The following NOTCH4 variants were observed in gnomAD, a reference collection of about 807,000 sequenced individuals.
The protein encoded by NOTCH4 is notch receptor 4.
In NOTCH4, 138 loss-of-function variants were observed where a neutral mutation model predicts 189.0. The observed-to-expected ratio is 0.73, with a 90% CI of 0.64 to 0.84. The LOEUF (loss-of-function observed/expected upper bound fraction) is 0.84, where lower values mean the gene tolerates loss of function less well. Ranked by LOEUF, NOTCH4 falls within the 40% of genes least tolerant of loss-of-function variation. The pLI is 0.00. For synonymous variants in NOTCH4, 942 were observed against 1,032.8 expected, an observed-to-expected ratio of 0.91 and a Z score of 1.69; for missense variants, 2,286 against 2,605.4, an observed-to-expected ratio of 0.88 and a Z score of 2.67.
intron 8 of NOTCH4, among the ~76,000 whole-genome samples, chr6:32,218,664 T>C (rs1368428801): frequency 6.6e-6 from 1 of 152,236 alleles, no homozygotes; most frequent in Non-Finnish European, 1.5e-5. Context: ...TTTTCTTGCC[T>C]GAGGAGTCTG....
intron 18 of NOTCH4, among the ~76,000 whole-genome samples, chr6:32,204,890 T>C (rs1357273904): frequency 6.6e-6 from 1 of 152,188 alleles, no homozygotes. Context: ...ACATTTTATT[T>C]GGGTTATCTC....
In NOTCH4 at chr6:32,199,037, C is replaced by T. The variant is rs377177857; in HGVS notation, c.4424G>A (p.Arg1475His). The T allele has an allele frequency of 1.2e-5, 20 of 1,612,820 alleles. No homozygotes were observed. The highest frequency in any genetic ancestry group is 2.2e-5 in the East Asian group (1 of 44,870). Residue 1475 changes from arginine (R) to histidine (H), a missense_variant, in exon 24 of 30, where the codon CGC (arginine) becomes CAC (histidine). Physicochemically the swap from Arg to His is conservative, Grantham distance 29. Coordinates refer to ENST00000375023, the MANE Select transcript of NOTCH4 (RefSeq NM_004557.4). The surrounding 1 kb of genome is among the most constrained non-coding windows in gnomAD (Gnocchi z 4.9). ...LLVLQLIRRR[R>H]REHGALWLPP... ...CAGCCAGAGAGCTCCATGCTCTCGG[C>T]GTCGACGCCGGATGAGCTGGAGGAC...
At position 32,200,906 on chromosome 6, in the gene NOTCH4, C is replaced by A. The variant is rs767518997; in HGVS notation, c.4240G>T (p.Ala1414Ser). The A allele has an allele frequency of 6.8e-6, 11 of 1,609,084 alleles. No individual in the cohort carries two copies. The highest frequency in any genetic ancestry group is 8.5e-6 in the Non-Finnish European group (10 of 1,178,300). ...DPGLLLRFLAAMAAVGALEPL... is the reference protein window; with the variant it reads ...DPGLLLRFLASMAAVGALEPL... ...TCCAGGGCTCCCACTGCAGCCATCG[C>A]AGCAAGGAAGCGGAGTAGAAGCCCA... The change falls in exon 23 of 30, where the codon GCG becomes TCG. Residue 1414 changes from alanine to serine, a missense_variant. Transcript: ENST00000375023. The surrounding 1 kb of genome is among the most constrained non-coding windows in gnomAD (Gnocchi z 5.0).
chr6:32,195,291 G>T lies in NOTCH4; in HGVS notation c.*146C>A. ...CAGCTTCTCCACGTGGAAGATGTCT[G>T]CTCTGGTGGGCATACATTCATTTTA... On this transcript the variant is annotated 3_prime_UTR_variant, in exon 30 of 30. Coordinates refer to ENST00000375023, the MANE Select transcript of NOTCH4 (RefSeq NM_004557.4). This position sits in a 1 kb window ranked among gnomAD's most constrained non-coding sequence, Gnocchi z 5.4. 1 of 737,818 alleles carries T rather than the reference G, an allele frequency of 1.4e-6. No individual in the cohort carries two copies. The allele number at this position is 737,818 out of a possible 1,614,324, so 45.7% of individuals were successfully genotyped here. A position where few individuals can be genotyped will look rare whatever the true frequency, so the allele number is the denominator to read the frequency against.
chr6:32,203,721 C>T (rs1788493679), intron 20 of NOTCH4, 49 bp downstream of exon 20: 1 of 1,395,270 alleles, frequency 7.2e-7, no homozygotes, highest in East Asian at 2.5e-5. Flanking sequence ...GGTATTCTTG[C>T]CTTGTCAGCA....
chr6:32,197,315 G>A lies in NOTCH4; in HGVS notation c.5036C>T (p.Ala1679Val), dbSNP rs1463590184. 1 of 1,527,294 alleles carries A rather than the reference G, an allele frequency of 6.5e-7. No individual in the cohort carries two copies. The highest frequency in any genetic ancestry group is 1.3e-5 in the South Asian group (1 of 78,298). The allele number at this position is 1,527,294 out of a possible 1,614,324, so 94.6% of individuals were successfully genotyped here. ...TPLHAAVAAD[A>V]REVCQLLLRS... ...TGTGCTAACCTGGCAGACCTCCCGA[G>A]CATCAGCAGCCACAGCAGCATGAAG... is the stretch of plus-strand genomic sequence containing the variant. The change falls in exon 27 of 30, where the codon GCT (alanine) becomes GTT (valine). Residue 1679 changes from alanine (A) to valine (V), a missense_variant. Physicochemically the swap from Ala to Val is moderately conservative, Grantham distance 64. This residue lies in a region of NOTCH4 where 1,903 missense variants were observed against 2,261.9 expected (regional missense o/e 0.84). Transcript: ENST00000375023.
chr6:32,211,980 T>C (rs1789050067), intron 17 of NOTCH4, among the ~76,000 whole-genome samples: 1 of 152,230 alleles, frequency 6.6e-6, no homozygotes, highest in Admixed American at 6.5e-5. Context: ...TTTAATGTTC[T>C]CTCCCTGTGA....
At chr6:32,219,532 C>T (rs1164523102) in intron 8 of NOTCH4, 60 bp downstream of exon 8, 24 of 1,473,422 alleles carry the variant, frequency 1.6e-5, no homozygotes, top group Non-Finnish European at 2.1e-5. Flanking sequence ...AGGGGGCATT[C>T]CTAGTGGGTT....
At chr6:32,207,628 TCC>T (rs58773260) in intron 18 of NOTCH4, among the ~76,000 whole-genome samples, 67,726 of 142,510 alleles carry the variant, frequency 0.48, 16,273 homozygotes, top group South Asian at 0.59. Flanking sequence ...CAAGACTCTA[TCC>T]CCCCCCCCCA....
At position 32,220,205 on chromosome 6, in the gene NOTCH4, T is replaced by C. The variant is rs936752444; in HGVS notation, c.1239A>G (p.Thr413=). The C allele has an allele frequency of 1.2e-6, 2 of 1,613,660 alleles. No homozygotes were observed. Among genetic ancestry groups the C allele is most frequent in the Non-Finnish European group, 1.7e-6 (2 of 1,179,902 alleles). The part of the protein sequence containing the change: ...GDAQCSTNPL[T]GSTLCLCQPG... ...GCTGACACAGGCAGAGTGTGGAGCC[T>C]GTGAGGGGGTTGGTGCTGCATTGGG... is the stretch of plus-strand genomic sequence containing the variant. Residue 413 remains threonine (T), a synonymous_variant, in exon 7 of 30, where the codon ACA becomes ACG. Coordinates refer to ENST00000375023, the MANE Select transcript of NOTCH4 (RefSeq NM_004557.4).
intron 18 of NOTCH4, among the ~76,000 whole-genome samples, chr6:32,209,610 C>T (rs1312978480): frequency 6.6e-6 from 1 of 152,094 alleles, no homozygotes; most frequent in Non-Finnish European, 1.5e-5. Flanking sequence ...TGTCCAGGTG[C>T]GGTGGCTCAT....
chr6:32,215,127 T>G (rs1789316252), intron 12 of NOTCH4, 99 bp downstream of exon 12: 6 of 1,148,594 alleles, frequency 5.2e-6, no homozygotes, highest in Admixed American at 3.0e-5. Context: ...TCCCCATTGG[T>G]CATTTCTCAC....
Position 32,210,865 on chromosome 6 carries a change from A to G in NOTCH4, c.2752T>C (p.Cys918Arg). The G allele has an allele frequency of 6.2e-7, 1 of 1,612,912 alleles. No individual in the cohort carries two copies. Among genetic ancestry groups the G allele is most frequent in the Non-Finnish European group, 8.5e-7 (1 of 1,179,926 alleles). ...VDSGPSYFCH[C>R]PPGFQGSLCQ... Reference sequence around the variant, plus strand: ...AGGCTGCCTTGGAATCCAGGGGGGCAGTGGCAGAAATAGGAGGGGCCGCTG... The same window carrying G: ...AGGCTGCCTTGGAATCCAGGGGGGCGGTGGCAGAAATAGGAGGGGCCGCTG... The change falls in exon 18 of 30, where the codon TGC becomes CGC. Residue 918 changes from cysteine (C) to arginine (R), a missense_variant. Transcript: ENST00000375023. The surrounding 1 kb of genome is among the most constrained non-coding windows in gnomAD (Gnocchi z 4.8).
Position 32,199,201 on chromosome 6 carries a change from A to C in NOTCH4, c.4316-56T>G. On this transcript the variant is annotated intron_variant, in intron 23 of 29. Transcript: ENST00000375023. This position sits in a 1 kb window ranked among gnomAD's most constrained non-coding sequence, Gnocchi z 4.9. ...GCCACTCCTGGTGAGACTGATTACT[A>C]TTGGGAGACCTTTGGACAAGTTTAG... 7.5e-7 allele frequency: 1 copy of C among 1,330,586 alleles called. No individual in the cohort carries two copies. Among genetic ancestry groups the C allele is most frequent in the Non-Finnish European group, 1.0e-6 (1 of 983,614 alleles). The allele number at this position is 1,330,586 out of a possible 1,614,324, so 82.4% of individuals were successfully genotyped here. A position where few individuals can be genotyped will look rare whatever the true frequency, so the allele number is the denominator to read the frequency against.
In NOTCH4 at chr6:32,220,607, C is replaced by T. The variant is rs2127487836; in HGVS notation, c.957G>A (p.Glu319=). The change falls in exon 6 of 30, where the codon GAG becomes GAA. Residue 319 remains glutamate, a synonymous_variant. Transcript: ENST00000375023. ...TTCTGCAGTGAGGGGGACCCTGGGT[C>T]TCACACTCATCCACATCTTCGGAGC... ...WDCSEDVDEC[E]TQGPPHCRNG... The T allele has an allele frequency of 1.9e-6, 3 of 1,613,836 alleles. No homozygotes were observed. Among genetic ancestry groups the T allele is most frequent in the South Asian group, 1.1e-5 (1 of 91,074 alleles).
At chr6:32,209,726 T>C (rs1225557180) in intron 18 of NOTCH4, among the ~76,000 whole-genome samples, 2 of 151,706 alleles carry the variant, frequency 1.3e-5, no homozygotes, top group Non-Finnish European at 2.9e-5. Context: ...CTACTAAAAA[T>C]ACAAAAATTA....
chr6:32,202,176 G>C lies in NOTCH4; in HGVS notation c.3655C>G (p.Arg1219Gly). The C allele has an allele frequency of 6.6e-7, 1 of 1,524,966 alleles. No individual in the cohort carries two copies. Among genetic ancestry groups the C allele is most frequent in the Non-Finnish European group, 8.8e-7 (1 of 1,136,722 alleles). The allele number at this position is 1,524,966 out of a possible 1,614,324, so 94.5% of individuals were successfully genotyped here. ...DPWKGCPSHS[R>G]CWLLFRDGQC... The stretch of plus-strand genomic sequence containing the variant: ...CCGTCCCGGAAGAGAAGCCAGCACC[G>C]AGAGTGGGAGGGGCAGCCCTTCCAG... The change falls in exon 21 of 30, where the codon CGG (arginine) becomes GGG (glycine). Residue 1219 changes from arginine (R) to glycine (G), a missense_variant. This residue lies in a region of NOTCH4 where 1,903 missense variants were observed against 2,261.9 expected (regional missense o/e 0.84). Transcript: ENST00000375023. This position sits in a 1 kb window ranked among gnomAD's most constrained non-coding sequence, Gnocchi z 5.7.
Position 32,221,349 on chromosome 6 carries a change from C to T in NOTCH4, c.452-24G>A, listed in dbSNP as rs761414105. 10 of 1,576,804 alleles carry T rather than the reference C, an allele frequency of 6.3e-6. No individual in the cohort carries two copies. Among genetic ancestry groups the T allele is most frequent in the East Asian group, 2.2e-5 (1 of 44,628 alleles). ...ACCTGAGGCAGAGGACAGAGGGAGC[C>T]GTTTCTAGCATTGTACGAATTCTAG... On this transcript the variant is annotated intron_variant, in intron 3 of 29. Transcript: ENST00000375023. The surrounding 1 kb of genome is among the most constrained non-coding windows in gnomAD (Gnocchi z 4.3).
At position 32,217,674 on chromosome 6, in the gene NOTCH4, T is replaced by A. The variant is rs145512124; in HGVS notation, c.1624+321A>T. Among the ~76,000 whole-genome samples the A allele has an allele frequency of 5.7e-3, 874 of 152,116 alleles. 13 individuals carry two copies. The highest frequency in any genetic ancestry group is 0.012 in the Admixed American group (184 of 15,270). Reference sequence around the variant, plus strand: ...TCCGGTGAGGCTGGAGAAGAAAGGCTTGGGGCAGCTTTTGCTGGGTTTATG... The same window carrying A: ...TCCGGTGAGGCTGGAGAAGAAAGGCATGGGGCAGCTTTTGCTGGGTTTATG... On this transcript the variant is annotated intron_variant, in intron 9 of 29. Coordinates refer to ENST00000375023, the MANE Select transcript of NOTCH4 (RefSeq NM_004557.4). This position sits in a 1 kb window ranked among gnomAD's most constrained non-coding sequence, Gnocchi z 4.2.
Sources: allele counts gnomAD v4.1 joint callset (sites outside exome capture counted in the v4.1 genomes callset), GRCh38; gene constraint gnomAD v4.1.1; regional missense constraint gnomAD v4.1.1; non-coding constraint Gnocchi (gnomAD v3.1); transcripts MANE v1.5; gene names NCBI Gene and HGNC (gene_info 2026-07-23, HGNC 2026-07-21).